POU6F2: variants seen among roughly 807,000 people sequenced by gnomAD.
POU6F2 encodes the protein POU domain, class 6, transcription factor 2.
In POU6F2, 31 loss-of-function variants were observed where a neutral mutation model predicts 71.3. The observed-to-expected ratio is 0.43, with a 90% CI of 0.33 to 0.59. The LOEUF (loss-of-function observed/expected upper bound fraction) is 0.59. Among genes scored for constraint, POU6F2 ranks in the 20% least tolerant of loss-of-function variants. POU6F2 has a pLI of 0.04. For synonymous variants in POU6F2, 347 were observed against 355.7 expected, an observed-to-expected ratio of 0.98 and a Z score of 0.27; for missense variants, 783 against 856.8, an observed-to-expected ratio of 0.91 and a Z score of 1.07.
chr7:39,199,043 T>C (rs1195536925), intron 2 of POU6F2, among the ~76,000 whole-genome samples: 1 of 152,218 alleles, frequency 6.6e-6, no homozygotes, highest in Non-Finnish European at 1.5e-5. Context: ...GAGGGATCTC[T>C]GTGACCTTCA....
chr7:39,256,409 A>G (rs1562765596), intron 4 of POU6F2, among the ~76,000 whole-genome samples: 2 of 152,134 alleles, frequency 1.3e-5, no homozygotes, highest in Non-Finnish European at 1.5e-5. Flanking sequence ...CTAATTCTTT[A>G]GGGGGAAAGA....
chr7:39,167,247 A>G (rs1314628807), intron 2 of POU6F2, among the ~76,000 whole-genome samples: 1 of 152,174 alleles, frequency 6.6e-6, no homozygotes, highest in Non-Finnish European at 1.5e-5. Context: ...TGTCTTATGC[A>G]TGTTATTAAA....
intron 2 of POU6F2, among the ~76,000 whole-genome samples, chr7:39,172,345 C>T (rs552352057): frequency 6.6e-6 from 1 of 152,258 alleles, no homozygotes; most frequent in South Asian, 2.1e-4. Flanking sequence ...GCTGTTGCAT[C>T]ATCCAGGTAA....
chr7:39,390,700 AT>A (rs1168680944), intron 5 of POU6F2, among the ~76,000 whole-genome samples: 1 of 152,214 alleles, frequency 6.6e-6, no homozygotes, highest in African/African-American at 2.4e-5. Context: ...AAAGTAATAC[AT>A]GACCCAGCTT....
intron 2 of POU6F2, among the ~76,000 whole-genome samples, chr7:39,159,883 T>G (rs2128736319): frequency 6.6e-6 from 1 of 152,160 alleles, no homozygotes; most frequent in South Asian, 2.1e-4. Context: ...CCTAAACCCG[T>G]CAGAAAGGAG....
At chr7:39,311,901 T>C (rs980009213) in intron 4 of POU6F2, among the ~76,000 whole-genome samples, 2 of 152,042 alleles carry the variant, frequency 1.3e-5, no homozygotes, top group East Asian at 3.9e-4. Context: ...AATGGCAACA[T>C]TGAATGAAAC....
At position 39,460,544 on chromosome 7, in the gene POU6F2, C is replaced by T. The variant is rs1348591503; in HGVS notation, c.1490-3C>T. 6.2e-7 allele frequency: 1 copy of T among 1,613,316 alleles called. No homozygotes were observed. The highest frequency in any genetic ancestry group is 1.3e-5 in the African/African-American group (1 of 75,050). On this transcript the variant is annotated splice_polypyrimidine_tract_variant and splice_region_variant and intron_variant, in intron 8 of 9. Transcript: ENST00000518318. This position sits in a 1 kb window ranked among gnomAD's most constrained non-coding sequence, Gnocchi z 4.4. ...GATCCTATTTTTAAAAACATCTCCA[C>T]AGATCCTCAAACGGCAGCGGGTGAG...
chr7:39,301,795 C>G (rs1784952764), intron 4 of POU6F2, among the ~76,000 whole-genome samples: 1 of 152,162 alleles, frequency 6.6e-6, no homozygotes, highest in African/African-American at 2.4e-5. Flanking sequence ...CTTGCATGCT[C>G]AGTGATTTGT....
chr7:39,168,183 A>G (rs1793149157), intron 2 of POU6F2, among the ~76,000 whole-genome samples: 1 of 152,212 alleles, frequency 6.6e-6, no homozygotes, highest in Admixed American at 6.5e-5. Context: ...AGCATCAATA[A>G]TAGCCTATTT....
intron 4 of POU6F2, among the ~76,000 whole-genome samples, chr7:39,215,433 C>T (rs192654410): frequency 6.6e-6 from 1 of 152,230 alleles, no homozygotes; most frequent in East Asian, 1.9e-4. Context: ...AGTTTTGGAA[C>T]TAGAAGACAA....
At chr7:39,005,636 G>GTT (rs66535734) in intron 1 of POU6F2, among the ~76,000 whole-genome samples, 10 of 151,752 alleles carry the variant, frequency 6.6e-5, no homozygotes, top group African/African-American at 1.9e-4. Context: ...TTTAGTTTTT[G>GTT]TTTTTTTCAC....
intron 1 of POU6F2, among the ~76,000 whole-genome samples, chr7:38,992,599 A>G (rs1471189316): frequency 1.3e-5 from 2 of 152,212 alleles, no homozygotes; most frequent in Non-Finnish European, 2.9e-5. Flanking sequence ...TTTAAGTTAC[A>G]TGGGGACCAG....
chr7:39,201,999 C>G (rs1259205992), intron 2 of POU6F2, among the ~76,000 whole-genome samples: 1 of 152,146 alleles, frequency 6.6e-6, no homozygotes, highest in Non-Finnish European at 1.5e-5. Flanking sequence ...CATACATAAT[C>G]TCCTCTAGAG....
chr7:39,260,406 A>C (rs1311390540), intron 4 of POU6F2, among the ~76,000 whole-genome samples: 2 of 150,984 alleles, frequency 1.3e-5, no homozygotes, highest in Non-Finnish European at 3.0e-5. Flanking sequence ...ACACACAGAC[A>C]CCACACACCA....
At chr7:39,022,224 A>G (rs992889415) in intron 1 of POU6F2, among the ~76,000 whole-genome samples, 2 of 151,762 alleles carry the variant, frequency 1.3e-5, no homozygotes, top group Non-Finnish European at 1.5e-5. Flanking sequence ...CTTATTTCTT[A>G]TTTGTCAATT....
At chr7:38,999,199 T>C (rs1175651270) in intron 1 of POU6F2, among the ~76,000 whole-genome samples, 1 of 152,166 alleles carries the variant, frequency 6.6e-6, no homozygotes, top group Non-Finnish European at 1.5e-5. Context: ...ACTGTTTGGC[T>C]ACAGAGGGAG....
chr7:39,147,421 C>T (rs761595168), intron 2 of POU6F2, among the ~76,000 whole-genome samples: 5 of 152,106 alleles, frequency 3.3e-5, no homozygotes, highest in Non-Finnish European at 5.9e-5. Context: ...GTGTACAGAA[C>T]AAAAAGATTC....
chr7:39,220,984 A>C (rs1410233808), intron 4 of POU6F2, among the ~76,000 whole-genome samples: 1 of 152,168 alleles, frequency 6.6e-6, no homozygotes, highest in Non-Finnish European at 1.5e-5. Flanking sequence ...TTATATATTG[A>C]TAATGTGTTG....
At chr7:39,307,964 A>T (rs941788397) in intron 4 of POU6F2, among the ~76,000 whole-genome samples, 7 of 152,150 alleles carry the variant, frequency 4.6e-5, no homozygotes, top group Non-Finnish European at 4.4e-5. Context: ...CAAAAAAAAA[A>T]AAAAGAGTTG....
Sources: gnomAD v4.1 joint callset for allele counts (sites outside exome capture counted in the v4.1 genomes callset) on GRCh38, gnomAD v4.1.1 for gene constraint, Gnocchi (gnomAD v3.1) non-coding constraint, MANE v1.5 for transcripts, NCBI Gene and HGNC (gene_info 2026-07-23, HGNC 2026-07-21) for gene names.